PIK3R3: variants seen among roughly 807,000 people sequenced by gnomAD.
PIK3R3 encodes the protein phosphoinositide-3-kinase regulatory subunit 3, also known as phosphatidylinositol 3-kinase regulatory subunit gamma.
In PIK3R3, 64 loss-of-function variants were observed where a neutral mutation model predicts 62.9. That is an observed-to-expected ratio of 1.02 (90% CI 0.83 to 1.25). The LOEUF is 1.25. Among genes scored for constraint, PIK3R3 ranks in the 50% most tolerant of loss-of-function variants. PIK3R3 has a pLI of 0.00. For missense variants in PIK3R3, 614 were observed against 561.6 expected (o/e 1.09, Z -0.94); for synonymous variants, 165 against 189.0 (o/e 0.87, Z 1.04).
At chr1:46,101,394 G>A (rs1285643776) in intron 1 of PIK3R3, among the ~76,000 whole-genome samples, 6 of 151,850 alleles carry the variant, frequency 4.0e-5, no homozygotes, top group African/African-American at 1.4e-4. Flanking sequence ...TACTCGGGAG[G>A]CTGAGGGAGG....
chr1:46,167,024 C>T, the PIK3R3 span, among the ~76,000 whole-genome samples: 2 of 152,232 alleles, frequency 1.3e-5, no homozygotes, highest in East Asian at 1.9e-4. Flanking sequence ...ACTCCGCGCC[C>T]GGCGCGGTTA....
the PIK3R3 span, among the ~76,000 whole-genome samples, chr1:46,149,108 T>C: frequency 6.6e-6 from 1 of 152,080 alleles, no homozygotes; most frequent in Non-Finnish European, 1.5e-5. Flanking sequence ...TTATGCTAAT[T>C]ATAATGTATT....
rs977392149 is a variant in PIK3R3, at chr1:46,058,313, T to C, written c.765-2342A>G. On this transcript the variant is annotated intron_variant, in intron 6 of 9. Transcript: ENST00000262741. ...TCATGGAGAACCTCTGCTGGGGCAG[T>C]GTGGAAGGGAAATGCGGGGTCGAAG... Among the ~76,000 whole-genome samples, 6 of 152,284 alleles carry C rather than the reference T, an allele frequency of 3.9e-5. No homozygotes were observed. The East Asian group carries it at 9.6e-4, about 24-fold the overall frequency.
At chr1:46,099,847 G>A (rs1467844969) in intron 1 of PIK3R3, among the ~76,000 whole-genome samples, 5 of 152,118 alleles carry the variant, frequency 3.3e-5, no homozygotes, top group African/African-American at 1.2e-4. Flanking sequence ...GTATAAGAGA[G>A]TTTTCCTTAT....
intron 7 of PIK3R3, among the ~76,000 whole-genome samples, chr1:46,054,505 C>T (rs1008093845): frequency 6.6e-6 from 1 of 151,644 alleles, no homozygotes; most frequent in Non-Finnish European, 1.5e-5. Flanking sequence ...CTCTTTCTCA[C>T]ACAAAGAACC....
the PIK3R3 span, among the ~76,000 whole-genome samples, chr1:46,163,865 C>T: frequency 6.6e-6 from 1 of 152,180 alleles, no homozygotes; most frequent in East Asian, 1.9e-4. Context: ...AGCACTGTCC[C>T]CCTCCTTGGA....
At chr1:46,069,548 G>C (rs1649308016) in intron 3 of PIK3R3, among the ~76,000 whole-genome samples, 2 of 152,026 alleles carry the variant, frequency 1.3e-5, no homozygotes, top group Admixed American at 1.3e-4. Context: ...TGTTTAAAGG[G>C]GGAAAAAGTT....
In PIK3R3 at chr1:46,041,277, G is replaced by C. The variant is rs1328377839; in HGVS notation, c.*2396C>G. 1 of 156,406 alleles carries C rather than the reference G, an allele frequency of 6.4e-6. No individual in the cohort carries two copies. Among genetic ancestry groups the C allele is most frequent in the Non-Finnish European group, 1.4e-5 (1 of 70,414 alleles). The allele number at this position is 156,406 out of a possible 1,614,324, so 9.7% of individuals were successfully genotyped here. A position where few individuals can be genotyped will look rare whatever the true frequency, so the allele number is the denominator to read the frequency against. On this transcript the variant is annotated 3_prime_UTR_variant, in exon 10 of 10. Transcript: ENST00000262741. Reference sequence around the variant, plus strand: ...GCCATTTCCACAGGCTCAGGGTCAAGCAAGTCATGTGGCAACTGGTCAGAA... The same window carrying C: ...GCCATTTCCACAGGCTCAGGGTCAACCAAGTCATGTGGCAACTGGTCAGAA...
intron 3 of PIK3R3, among the ~76,000 whole-genome samples, chr1:46,073,965 A>C (rs1160403113): frequency 6.6e-6 from 1 of 150,426 alleles, no homozygotes; most frequent in Non-Finnish European, 1.5e-5. Context: ...CCTGAGCCAC[A>C]ATATTAAATG....
At chr1:46,154,805 G>A in the PIK3R3 span, among the ~76,000 whole-genome samples, 1 of 151,986 alleles carries the variant, frequency 6.6e-6, no homozygotes, top group Middle Eastern at 3.2e-3. Flanking sequence ...CCTCTACCTA[G>A]AATGTTCTTT....
intron 3 of PIK3R3, among the ~76,000 whole-genome samples, chr1:46,073,022 C>G (rs1649692143): frequency 6.6e-6 from 1 of 151,784 alleles, no homozygotes; most frequent in South Asian, 2.1e-4. Context: ...AGGCACTAAT[C>G]TAGACACTGG....
chr1:46,149,372 A>G, the PIK3R3 span, among the ~76,000 whole-genome samples: 10 of 139,430 alleles, frequency 7.2e-5, no homozygotes, highest in African/African-American at 2.7e-4. Context: ...CAGTAAGCCG[A>G]GATTGTGCCA....
chr1:46,041,852 T>C lies in PIK3R3; in HGVS notation c.*1821A>G, dbSNP rs933380642. ...AAAGCCAAAGAGAAGCACTTCCCTT[T>C]CTATCCTCGTCACTAGTAACTGGAG... On this transcript the variant is annotated 3_prime_UTR_variant, in exon 10 of 10. Transcript: ENST00000262741. 3.3e-5 allele frequency: 7 copies of C among 213,114 alleles called. No individual in the cohort carries two copies. The highest frequency in any genetic ancestry group is 2.9e-4 in the Admixed American group (5 of 17,084). The allele number at this position is 213,114 out of a possible 1,614,324, so 13.2% of individuals were successfully genotyped here.
chr1:46,080,619 A>T, intron 2 of PIK3R3, 23 bp downstream of exon 2: 4 of 1,447,080 alleles, frequency 2.8e-6, no homozygotes, highest in Non-Finnish European at 3.9e-6. Flanking sequence ...AACTGCATTC[A>T]ATTACAGTAG....
At chr1:46,104,094 T>G (rs945121504) in intron 1 of PIK3R3, among the ~76,000 whole-genome samples, 1 of 151,890 alleles carries the variant, frequency 6.6e-6, no homozygotes, top group Non-Finnish European at 1.5e-5. Context: ...CTGGCTAGTT[T>G]TTTTTGTATT....
intron 6 of PIK3R3, chr1:46,056,287 G>T (rs1166856392): frequency 5.0e-6 from 1 of 199,140 alleles, no homozygotes; most frequent in African/African-American, 2.4e-5. Flanking sequence ...CTAACCTCAG[G>T]TGATCTGCCT....
chr1:46,171,708 G>A, the PIK3R3 span, among the ~76,000 whole-genome samples: 1 of 152,002 alleles, frequency 6.6e-6, no homozygotes, highest in Non-Finnish European at 1.5e-5. Flanking sequence ...AAAATCTCGG[G>A]GGCAGGAGTT....
At chr1:46,131,805 T>G in intron 1 of PIK3R3, 42 bp downstream of exon 1, 1 of 1,577,144 alleles carries the variant, frequency 6.3e-7, no homozygotes, top group Non-Finnish European at 8.7e-7. Flanking sequence ...TAAATACAAA[T>G]CAGACCCATC....
chr1:46,172,492 G>A, the PIK3R3 span, among the ~76,000 whole-genome samples: 1 of 152,130 alleles, frequency 6.6e-6, no homozygotes, highest in East Asian at 1.9e-4. Flanking sequence ...TCGTGCCTCA[G>A]CCTCCTGAGT....
Sources: gnomAD v4.1 joint callset for allele counts (sites outside exome capture counted in the v4.1 genomes callset) on GRCh38, gnomAD v4.1.1 for gene constraint, MANE v1.5 for transcripts, NCBI Gene and HGNC (gene_info 2026-07-23, HGNC 2026-07-21) for gene names.